Variants in CYP2C19 observed in about 807,000 individuals in gnomAD.
The protein encoded by CYP2C19 is cytochrome P450 family 2 subfamily C member 19.
Under a neutral mutation model 40.9 loss-of-function variants are expected in CYP2C19, and 59 were observed. The ratio of observed to expected loss-of-function variants is 1.44; its 90% confidence interval spans 1.17 to 1.79. The LOEUF (loss-of-function observed/expected upper bound fraction) is 1.79. CYP2C19 is among the 40% of genes most tolerant of loss of function. CYP2C19 has a pLI of 0.00. For synonymous variants in CYP2C19, 253 were observed against 208.7 expected, an observed-to-expected ratio of 1.21 and a Z score of -1.83; for missense variants, 754 against 596.9, an observed-to-expected ratio of 1.26 and a Z score of -2.74.
chr10:94,807,489 A>G (rs970450183), intron 5 of CYP2C19, among the ~76,000 whole-genome samples: 6 of 152,100 alleles, frequency 3.9e-5, no homozygotes, highest in African/African-American at 1.2e-4. Flanking sequence ...CCATCATGGC[A>G]GTACTAATTT....
At chr10:94,816,280 T>A (rs1849000913) in intron 5 of CYP2C19, among the ~76,000 whole-genome samples, 1 of 150,814 alleles carries the variant, frequency 6.6e-6, no homozygotes, top group Non-Finnish European at 1.5e-5. Flanking sequence ...TTATTTTTTT[T>A]ATTTTTATGG....
intron 6 of CYP2C19, among the ~76,000 whole-genome samples, chr10:94,841,348 T>C (rs1849492351): frequency 6.6e-6 from 1 of 152,160 alleles, no homozygotes; most frequent in Non-Finnish European, 1.5e-5. Context: ...GCAGACACCC[T>C]GCCAGATCTG....
intron 1 of CYP2C19, among the ~76,000 whole-genome samples, chr10:94,772,887 T>C (rs1034629688): frequency 1.3e-5 from 2 of 152,178 alleles, no homozygotes; most frequent in African/African-American, 2.4e-5. Flanking sequence ...GTTCATGCCA[T>C]TCTCCTGCCT....
Position 94,810,665 on chromosome 10 carries a change from TA to T in CYP2C19, c.820-9830del, listed in dbSNP as rs1848907155. ...TCCATTTCTTCTAGATTTTCTAGTT[TA>T]TTTGCATAGAGGTGTTTATAGTATT... On this transcript the variant is annotated intron_variant, in intron 5 of 8. Coordinates refer to ENST00000371321, the MANE Select transcript of CYP2C19 (RefSeq NM_000769.4). Among the ~76,000 whole-genome samples the T allele has an allele frequency of 2.0e-5, 3 of 152,212 alleles. No homozygotes were observed. The South Asian group carries it at 6.2e-4, about 32-fold the overall frequency.
At chr10:94,800,855 T>G (rs1037519583) in intron 5 of CYP2C19, among the ~76,000 whole-genome samples, 13 of 152,224 alleles carry the variant, frequency 8.5e-5, no homozygotes, top group African/African-American at 2.9e-4. Flanking sequence ...CTAGTCTGCC[T>G]GTTGCTAAGA....
intron 6 of CYP2C19, among the ~76,000 whole-genome samples, chr10:94,822,836 T>C (rs1423867734): frequency 1.3e-5 from 2 of 152,196 alleles, no homozygotes; most frequent in African/African-American, 4.8e-5. Context: ...TTAGTGATGT[T>C]GAACATTTTT....
chr10:94,821,231 C>T (rs1849116835), intron 6 of CYP2C19, among the ~76,000 whole-genome samples: 1 of 152,142 alleles, frequency 6.6e-6, no homozygotes, highest in Admixed American at 6.5e-5. Flanking sequence ...TCGACAGTGA[C>T]TTATGGCAGG....
At chr10:94,834,070 G>T (rs1849366539) in intron 6 of CYP2C19, among the ~76,000 whole-genome samples, 1 of 152,096 alleles carries the variant, frequency 6.6e-6, no homozygotes, top group Non-Finnish European at 1.5e-5. Flanking sequence ...GTTTGAGTAG[G>T]GTTGGTATTA....
At chr10:94,832,199 C>G (rs949956459) in intron 6 of CYP2C19, among the ~76,000 whole-genome samples, 4 of 152,124 alleles carry the variant, frequency 2.6e-5, no homozygotes, top group Non-Finnish European at 5.9e-5. Context: ...CTGTGTTAGT[C>G]TGTTCTTATG....
At chr10:94,780,456 T>C (rs1392804144) in intron 3 of CYP2C19, 43 bp from the exon 4 acceptor site, 1 of 1,606,070 alleles carries the variant, frequency 6.2e-7, no homozygotes, top group Non-Finnish European at 8.5e-7. Context: ...GTGTTTTATA[T>C]CTAATGTTTA....
chr10:94,782,781 TAA>T (rs1848495934), intron 5 of CYP2C19, among the ~76,000 whole-genome samples: 1 of 151,980 alleles, frequency 6.6e-6, no homozygotes, highest in African/African-American at 2.4e-5. Context: ...TATGGAGGCA[TAA>T]AAAAGATGAA....
chr10:94,764,300 A>G (rs1287545653), intron 1 of CYP2C19, among the ~76,000 whole-genome samples: 1 of 152,122 alleles, frequency 6.6e-6, no homozygotes, highest in Non-Finnish European at 1.5e-5. Flanking sequence ...TCCATTTTGC[A>G]GAGTGCTGAT....
Position 94,775,508 on chromosome 10 carries a change from C to A in CYP2C19, c.450C>A (p.Arg150=). 2.5e-6 allele frequency: 4 copies of A among 1,614,014 alleles called. No individual in the cohort carries two copies. The highest frequency in any genetic ancestry group is 2.5e-6 in the Non-Finnish European group (3 of 1,179,936). The stretch of plus-strand genomic sequence containing the variant: ...AGGACCGTGTTCAAGAGGAAGCCCG[C>A]TGCCTTGTGGAGGAGTTGAGAAAAA... ...SIEDRVQEEA[R]CLVEELRKTK... is the part of the protein sequence containing the mutation. Residue 150 remains arginine, a synonymous_variant, in exon 3 of 9, where the codon CGC becomes CGA. Transcript: ENST00000371321.
At chr10:94,782,135 T>A in intron 5 of CYP2C19, 138 bp downstream of exon 5, 1 of 573,094 alleles carries the variant, frequency 1.7e-6, no homozygotes, top group Non-Finnish European at 2.9e-6. Flanking sequence ...ATTGTATGCA[T>A]GAATATCCAG....
intron 7 of CYP2C19, among the ~76,000 whole-genome samples, chr10:94,844,241 T>G (rs1223291544): frequency 6.6e-6 from 1 of 152,248 alleles, no homozygotes; most frequent in Non-Finnish European, 1.5e-5. Context: ...TACCAGATGT[T>G]ATGTGTAAGA....
intron 1 of CYP2C19, among the ~76,000 whole-genome samples, chr10:94,768,370 G>A (rs973976264): frequency 5.9e-5 from 9 of 152,134 alleles, no homozygotes; most frequent in Non-Finnish European, 1.0e-4. Flanking sequence ...TTAAGGTCAG[G>A]ATTAGCTAAG....
intron 5 of CYP2C19, among the ~76,000 whole-genome samples, chr10:94,799,851 C>G (rs1279695741): frequency 6.6e-6 from 1 of 152,034 alleles, no homozygotes; most frequent in Non-Finnish European, 1.5e-5. Flanking sequence ...GTTTTTGGTT[C>G]CATCAGGTCA....
At chr10:94,773,003 G>A (rs1045167214) in intron 1 of CYP2C19, among the ~76,000 whole-genome samples, 3 of 151,930 alleles carry the variant, frequency 2.0e-5, no homozygotes, top group African/African-American at 4.8e-5. Flanking sequence ...GGATGGTCTC[G>A]ATCTGCTGAC....
chr10:94,830,957 T>C (rs952759652), intron 6 of CYP2C19, among the ~76,000 whole-genome samples: 30 of 152,316 alleles, frequency 2.0e-4, no homozygotes, highest in African/African-American at 6.0e-4. Context: ...TAAGTTATTA[T>C]TGACCATAGT....
Sources: gnomAD v4.1 joint callset for allele counts (sites outside exome capture counted in the v4.1 genomes callset) on GRCh38, gnomAD v4.1.1 for gene constraint, MANE v1.5 for transcripts, NCBI Gene and HGNC (gene_info 2026-07-23, HGNC 2026-07-21) for gene names.